Variants in STAB2 observed in about 807,000 individuals in gnomAD.
STAB2 encodes stabilin 2.
A neutral mutation model predicts 338.1 loss-of-function variants in STAB2; 288 were observed. The ratio of observed to expected loss-of-function variants is 0.85; its 90% CI spans 0.77 to 0.94. STAB2 has a LOEUF of 0.94. STAB2 is among the 40% of genes least tolerant of loss of function. The pLI is 0.00. For synonymous variants in STAB2, 1,202 were observed against 1,193.3 expected, an observed-to-expected ratio of 1.01 and a Z score of -0.15; for missense variants, 3,141 against 3,210.1, an observed-to-expected ratio of 0.98 and a Z score of 0.52.
At chr12:103,761,648 G>A (rs964533990) in intron 66 of STAB2, among the ~76,000 whole-genome samples, 2 of 152,126 alleles carry the variant, frequency 1.3e-5, no homozygotes, top group East Asian at 3.9e-4. Flanking sequence ...TGAATGAAAG[G>A]GGGAGGATGG....
chr12:103,631,972 A>C (rs762200094), intron 6 of STAB2, among the ~76,000 whole-genome samples: 1 of 152,194 alleles, frequency 6.6e-6, no homozygotes, highest in Non-Finnish European at 1.5e-5. Context: ...GGTAGAATGG[A>C]GAGAGGGACA....
intron 3 of STAB2, among the ~76,000 whole-genome samples, chr12:103,614,773 A>G (rs913522759): frequency 3.9e-5 from 6 of 152,238 alleles, no homozygotes; most frequent in African/African-American, 1.4e-4. Context: ...CCTCCTAGGC[A>G]TAAAAACCTT....
Position 103,655,663 on chromosome 12 carries a change from G to T in STAB2, c.1734+82G>T, listed in dbSNP as rs1593188935. 14 of 1,547,726 alleles carry T rather than the reference G, an allele frequency of 9.0e-6. No individual in the cohort carries two copies. The East Asian group carries it at 3.2e-4, about 35-fold the overall frequency. The stretch of plus-strand genomic sequence containing the variant: ...GTCTAAACAGGTTTTTCCTAAACTA[G>T]AGATAGTAAATAAGTTGTACATGTA... On this transcript the variant is annotated intron_variant, in intron 15 of 68. Transcript: ENST00000388887.
chr12:103,676,641 T>C (rs1344319716), intron 24 of STAB2, among the ~76,000 whole-genome samples: 1 of 152,154 alleles, frequency 6.6e-6, no homozygotes, highest in Non-Finnish European at 1.5e-5. Flanking sequence ...CCAAGTTCTG[T>C]TGTTGGTAGG....
intron 61 of STAB2, among the ~76,000 whole-genome samples, chr12:103,753,873 G>A (rs1317979760): frequency 6.6e-6 from 1 of 152,174 alleles, no homozygotes; most frequent in Non-Finnish European, 1.5e-5. Flanking sequence ...TGGAATAGCT[G>A]GGGCTCTCTC....
At chr12:103,708,783 G>A (rs1054180863) in intron 39 of STAB2, among the ~76,000 whole-genome samples, 1 of 152,074 alleles carries the variant, frequency 6.6e-6, no homozygotes, top group Non-Finnish European at 1.5e-5. Context: ...CTTTTTCTAG[G>A]TATATAAGCA....
chr12:103,678,153 G>A (rs1283788087), intron 25 of STAB2, among the ~76,000 whole-genome samples: 1 of 152,112 alleles, frequency 6.6e-6, no homozygotes, highest in Non-Finnish European at 1.5e-5. Flanking sequence ...ATAATACAAG[G>A]CTAAGGAGGT....
At chr12:103,663,129 C>T (rs901587760) in intron 18 of STAB2, 131 bp downstream of exon 18, 66 of 1,158,458 alleles carry the variant, frequency 5.7e-5, no homozygotes, top group Admixed American at 3.0e-4. Context: ...AAAGGGCTTC[C>T]GTCTTCATGA....
intron 34 of STAB2, 117 bp downstream of exon 34, chr12:103,699,344 T>C: frequency 7.7e-7 from 1 of 1,294,608 alleles, no homozygotes. Context: ...TAGTCAGTTT[T>C]CACACTGCTG....
At chr12:103,753,765 A>G (rs1416618890) in intron 61 of STAB2, among the ~76,000 whole-genome samples, 1 of 152,146 alleles carries the variant, frequency 6.6e-6, no homozygotes, top group African/African-American at 2.4e-5. Flanking sequence ...AGAAGTGGAG[A>G]CTGGAAGTGC....
chr12:103,731,644 T>C lies in STAB2; in HGVS notation c.5283+9T>C. 6.2e-7 allele frequency: 1 copy of C among 1,610,682 alleles called. No individual in the cohort carries two copies. The highest frequency in any genetic ancestry group is 8.5e-7 in the Non-Finnish European group (1 of 1,178,944). ...TTAGCAACTTAATACAGGTAAAAAT[T>C]TAGGGGAAGTTGACTCAGAGGATAA... On this transcript the variant is annotated intron_variant, in intron 50 of 68. Coordinates refer to ENST00000388887, the MANE Select transcript of STAB2 (RefSeq NM_017564.10).
intron 56 of STAB2, 59 bp from the exon 57 acceptor site, chr12:103,745,114 G>T: frequency 6.8e-7 from 1 of 1,468,282 alleles, no homozygotes; most frequent in South Asian, 1.3e-5. Context: ...AAGGGGTCAG[G>T]GAGCTGGTTG....
chr12:103,667,275 C>A (rs1215336544), intron 19 of STAB2, among the ~76,000 whole-genome samples: 1 of 152,134 alleles, frequency 6.6e-6, no homozygotes, highest in Non-Finnish European at 1.5e-5. Flanking sequence ...TGCTGTCAAG[C>A]AGGGAATGTG....
At chr12:103,684,188 T>A (rs1283712069) in intron 26 of STAB2, among the ~76,000 whole-genome samples, 3 of 152,160 alleles carry the variant, frequency 2.0e-5, no homozygotes, top group Non-Finnish European at 4.4e-5. Flanking sequence ...GGTAAACGGT[T>A]CCCCCACCAT....
At chr12:103,677,364 A>C in intron 24 of STAB2, 89 bp from the exon 25 acceptor site, 1 of 1,473,718 alleles carries the variant, frequency 6.8e-7, no homozygotes, top group Non-Finnish European at 9.1e-7. Flanking sequence ...GTGTTTCTGG[A>C]ACATATGTCT....
At chr12:103,758,924 A>T (rs1403292533) in intron 64 of STAB2, among the ~76,000 whole-genome samples, 1 of 152,146 alleles carries the variant, frequency 6.6e-6, no homozygotes, top group Non-Finnish European at 1.5e-5. Context: ...AATACAAATG[A>T]CATTCAATCC....
intron 11 of STAB2, among the ~76,000 whole-genome samples, chr12:103,652,249 G>A (rs777356404): frequency 6.6e-6 from 1 of 152,170 alleles, no homozygotes; most frequent in Non-Finnish European, 1.5e-5. Flanking sequence ...GGGCCATTGC[G>A]ATGCTGTGCT....
chr12:103,673,009 C>T (rs1875962705), intron 22 of STAB2, among the ~76,000 whole-genome samples: 2 of 152,178 alleles, frequency 1.3e-5, no homozygotes, highest in Admixed American at 1.3e-4. Flanking sequence ...TACCTACCTT[C>T]TGGGCCTGGT....
At chr12:103,602,970 A>G (rs1219936303) in intron 3 of STAB2, among the ~76,000 whole-genome samples, 1 of 152,220 alleles carries the variant, frequency 6.6e-6, no homozygotes, top group Non-Finnish European at 1.5e-5. Flanking sequence ...CCAACCTCAT[A>G]TCACAAAGAT....
Sources: allele counts gnomAD v4.1 joint callset (sites outside exome capture counted in the v4.1 genomes callset), GRCh38; gene constraint gnomAD v4.1.1; transcripts MANE v1.5; gene names NCBI Gene and HGNC (gene_info 2026-07-23, HGNC 2026-07-21).